Variants in AMPD1 observed in about 807,000 individuals in gnomAD.
AMPD1 encodes the protein AMP deaminase 1.
In AMPD1, 74 loss-of-function variants were observed where a neutral mutation model predicts 82.9. That is an observed-to-expected ratio of 0.89 (90% confidence interval 0.74 to 1.08). The LOEUF (loss-of-function observed/expected upper bound fraction) is 1.08, where lower values mean the gene tolerates loss of function less well. AMPD1 is among the 50% of genes least tolerant of loss of function. AMPD1 has a pLI of 0.00. For missense variants in AMPD1, 881 were observed against 924.5 expected (o/e 0.95, Z 0.61); for synonymous variants, 333 against 320.5 (o/e 1.04, Z -0.42).
intron 13 of AMPD1, 32 bp from the exon 14 acceptor site, chr1:114,674,114 A>G: frequency 6.3e-7 from 1 of 1,593,854 alleles, no homozygotes; most frequent in Non-Finnish European, 8.6e-7. Context: ...ATATTTAAAG[A>G]TGTTGAAAAA....
chr1:114,677,190 C>A (rs1292462793), intron 10 of AMPD1, among the ~76,000 whole-genome samples, 161 bp downstream of exon 10: 1 of 151,572 alleles, frequency 6.6e-6, no homozygotes, highest in Non-Finnish European at 1.5e-5. Context: ...GAGTGCTGTA[C>A]CCAGAGTGGA....
chr1:114,691,612 G>C (rs1291998026), intron 2 of AMPD1, among the ~76,000 whole-genome samples: 1 of 151,812 alleles, frequency 6.6e-6, no homozygotes, highest in Non-Finnish European at 1.5e-5. Flanking sequence ...AAAGGAAAGA[G>C]TGAAACTTAT....
At chr1:114,676,417 A>G (rs1657982722) in intron 10 of AMPD1, among the ~76,000 whole-genome samples, 1 of 152,250 alleles carries the variant, frequency 6.6e-6, no homozygotes, top group Non-Finnish European at 1.5e-5. Context: ...ATATATTCCA[A>G]GCACTCTTCT....
At chr1:114,673,376 C>T in intron 15 of AMPD1, 104 bp from the exon 16 acceptor site, 1 of 1,304,396 alleles carries the variant, frequency 7.7e-7, no homozygotes, top group East Asian at 2.3e-5. Context: ...TAGCCACTGA[C>T]AAAAGAATAA....
chr1:114,695,406 A>G (rs771320566), intron 1 of AMPD1, 44 bp downstream of exon 1: 66 of 1,606,190 alleles, frequency 4.1e-5, no homozygotes, highest in Non-Finnish European at 5.3e-5. Context: ...AAAAAAAAAA[A>G]AAAACAACAA....
rs746166547 is a variant in AMPD1, at chr1:114,677,358, T to C, written c.1381A>G (p.Arg461Gly). 2.5e-6 allele frequency: 4 copies of C among 1,609,870 alleles called. No homozygotes were observed. Among genetic ancestry groups the C allele is most frequent in the Non-Finnish European group, 3.4e-6 (4 of 1,179,128 alleles). Reference sequence around the variant, plus strand: ...TGATGGGCAGGTACATACTAGATCCTGGGAACCTGGATCATCCATGTCATG... The same window carrying C: ...TGATGGGCAGGTACATACTAGATCCCGGGAACCTGGATCATCCATGTCATG... ...PNMTWMIQVP[R>G]IYDVFRSKNF... Residue 461 changes from arginine to glycine, a missense_variant, in exon 10 of 16, where the codon AGG becomes GGG. By Grantham distance (125) the Arg-to-Gly change is moderately radical. Transcript: ENST00000520113.
At chr1:114,682,767 A>C (rs1043170606) in intron 5 of AMPD1, among the ~76,000 whole-genome samples, 2 of 152,038 alleles carry the variant, frequency 1.3e-5, no homozygotes, top group African/African-American at 4.8e-5. Context: ...TTTAGTAGAG[A>C]CGGGGTTTCA....
chr1:114,677,297 T>C, intron 10 of AMPD1, 54 bp downstream of exon 10: 1 of 1,604,338 alleles, frequency 6.2e-7, no homozygotes, highest in Non-Finnish European at 8.5e-7. Context: ...ACAGGGGACT[T>C]GAAGCAGATG....
intron 4 of AMPD1, among the ~76,000 whole-genome samples, chr1:114,685,622 C>T (rs1658291934): frequency 6.6e-6 from 1 of 152,132 alleles, no homozygotes; most frequent in South Asian, 2.1e-4. Flanking sequence ...GAGAAGTACT[C>T]CTTGACTTGT....
chr1:114,689,614 C>T (rs925069214), intron 2 of AMPD1, among the ~76,000 whole-genome samples: 2 of 152,014 alleles, frequency 1.3e-5, no homozygotes, highest in Admixed American at 6.6e-5. Context: ...GGCAGGAGTT[C>T]GAGACCAGCC....
chr1:114,680,119 G>A (rs994863786), intron 6 of AMPD1, 140 bp downstream of exon 6: 14 of 810,724 alleles, frequency 1.7e-5, no homozygotes, highest in Non-Finnish European at 2.7e-5. Context: ...GGAACAATGT[G>A]CATGAAGGGC....
chr1:114,678,621 G>C, intron 7 of AMPD1, 94 bp from the exon 8 acceptor site: 1 of 1,147,130 alleles, frequency 8.7e-7, no homozygotes, highest in Non-Finnish European at 1.3e-6. Context: ...CCACTGCGTT[G>C]GGACAAAGTG....
chr1:114,684,464 C>A, intron 4 of AMPD1, 100 bp from the exon 5 acceptor site: 1 of 1,280,152 alleles, frequency 7.8e-7, no homozygotes, highest in South Asian at 1.2e-5. Flanking sequence ...TCCTGTGTAT[C>A]GCAGCCCATT....
intron 1 of AMPD1, among the ~76,000 whole-genome samples, chr1:114,694,799 G>A (rs762096699): frequency 1.3e-4 from 20 of 152,090 alleles, no homozygotes; most frequent in South Asian, 2.1e-4. Flanking sequence ...AATCGTGATC[G>A]TGCCACTGCA....
chr1:114,685,698 A>G (rs1658296219), intron 4 of AMPD1, among the ~76,000 whole-genome samples: 1 of 152,166 alleles, frequency 6.6e-6, no homozygotes. Flanking sequence ...TCAAGCATGC[A>G]GGTATGAAGT....
At chr1:114,688,085 G>GC (rs975706128) in intron 3 of AMPD1, among the ~76,000 whole-genome samples, 50 of 152,062 alleles carry the variant, frequency 3.3e-4, no homozygotes, top group African/African-American at 1.1e-3. Context: ...TTCATCATTG[G>GC]CCCCTCACTC....
At chr1:114,673,313 T>C in intron 15 of AMPD1, 41 bp from the exon 16 acceptor site, 1 of 1,607,140 alleles carries the variant, frequency 6.2e-7, no homozygotes, top group Non-Finnish European at 8.5e-7. Flanking sequence ...TTGTCTCTTT[T>C]CACCCTGGTA....
rs374385585 is a variant in AMPD1, at chr1:114,695,443, C to T, written c.22+7G>A. ...AACTGAGCTCTCCAAACACTTTGTACACCTACCTGGGAGTTTGAACAGAGG... is the reference window on the plus strand; with the variant it reads ...AACTGAGCTCTCCAAACACTTTGTATACCTACCTGGGAGTTTGAACAGAGG... On this transcript the variant is annotated splice_region_variant and intron_variant, in intron 1 of 15. Transcript: ENST00000520113. 1.2e-6 allele frequency: 2 copies of T among 1,611,852 alleles called. No homozygotes were observed. The highest frequency in any genetic ancestry group is 8.5e-7 in the Non-Finnish European group (1 of 1,179,558).
chr1:114,677,811 T>TTCCC, intron 9 of AMPD1, 99 bp downstream of exon 9: 1 of 679,484 alleles, frequency 1.5e-6, no homozygotes, highest in Non-Finnish European at 2.1e-6. Context: ...CCTTCCTTCC[T>TTCCC]TCCTTCCTTC....
Sources: allele counts gnomAD v4.1 joint callset (sites outside exome capture counted in the v4.1 genomes callset), GRCh38; gene constraint gnomAD v4.1.1; transcripts MANE v1.5; gene names NCBI Gene and HGNC (gene_info 2026-07-23, HGNC 2026-07-21).